The following BBS12 variants were observed in gnomAD, a reference collection of about 807,000 sequenced individuals.
BBS12 encodes the protein chaperonin-containing T-complex member BBS12.
A neutral mutation model predicts 5.6 loss-of-function variants in BBS12; 5 were observed. That is an observed-to-expected ratio of 0.89 (90% CI 0.46 to 1.86). The LOEUF (loss-of-function observed/expected upper bound fraction) is 1.86. Ranked by LOEUF, BBS12 falls within the 40% of genes most tolerant of loss-of-function variation. The probability of loss-of-function intolerance (pLI) is 0.01; values close to 1 mark genes in which losing one functional copy is unlikely to be tolerated. For synonymous variants in BBS12, 308 were observed against 306.8 expected (o/e 1.00, Z -0.04); for missense variants, 748 against 830.4 (o/e 0.90, Z 1.22).
the BBS12 span, among the ~76,000 whole-genome samples, chr4:122,713,458 G>A: frequency 2.0e-5 from 3 of 152,198 alleles, no homozygotes; most frequent in South Asian, 4.1e-4. Flanking sequence ...TGCCTGTGAA[G>A]AGCCATTGCA....
At position 122,742,563 on chromosome 4, in the gene BBS12, C is replaced by T. The variant is rs776606785; in HGVS notation, c.671C>T (p.Thr224Ile). Residue 224 changes from threonine (T) to isoleucine (I), a missense_variant, in exon 2 of 2, where the codon ACC becomes ATC. Coordinates refer to ENST00000314218, the MANE Select transcript of BBS12 (RefSeq NM_152618.3). ...CTGAAAAACAGCCTGCTTGCAGATA[C>T]CTGCTGCAGACAGTCAATACTAATC... ...RTLKNSLLAD[T>I]CCRQSILIHS... 1.2e-6 allele frequency: 2 copies of T among 1,614,214 alleles called. No homozygotes were observed. Among genetic ancestry groups the T allele is most frequent in the South Asian group, 1.1e-5 (1 of 91,080 alleles).
the BBS12 span, among the ~76,000 whole-genome samples, chr4:122,716,811 T>C: frequency 2.4e-3 from 369 of 151,826 alleles, 3 homozygotes; most frequent in African/African-American, 8.4e-3. Context: ...TGGTTTTAGG[T>C]GAAACTCCTG....
Position 122,742,810 on chromosome 4 carries a change from A to G in BBS12, c.918A>G (p.Lys306=). The G allele has an allele frequency of 6.2e-7, 1 of 1,614,176 alleles. No individual in the cohort carries two copies. Among genetic ancestry groups the G allele is most frequent in the Non-Finnish European group, 8.5e-7 (1 of 1,180,026 alleles). The change falls in exon 2 of 2, where the codon AAA becomes AAG. Residue 306 remains lysine, a synonymous_variant. Coordinates refer to ENST00000314218, the MANE Select transcript of BBS12 (RefSeq NM_152618.3). ...NACVQQGNCT[K]PFMFDISRIF... ...GTGTGCAACAAGGCAACTGTACAAA[A>G]CCATTTATGTTTGACATTTCAAGAA...
the BBS12 span, among the ~76,000 whole-genome samples, chr4:122,703,534 C>T: frequency 6.6e-6 from 1 of 152,112 alleles, no homozygotes; most frequent in Admixed American, 6.5e-5. Flanking sequence ...AGAGTGAGAT[C>T]CCATCTCTTA....
the BBS12 span, among the ~76,000 whole-genome samples, chr4:122,707,124 A>C: frequency 7.2e-6 from 1 of 137,946 alleles, no homozygotes; most frequent in Non-Finnish European, 1.5e-5. Flanking sequence ...GCTGTCCTCG[A>C]ACTCATGGGC....
chr4:122,739,812 G>A (rs1047316211), intron 1 of BBS12, among the ~76,000 whole-genome samples: 9 of 152,232 alleles, frequency 5.9e-5, no homozygotes, highest in Non-Finnish European at 1.2e-4. Context: ...TACATGTTTA[G>A]CATATATTAT....
Position 122,744,182 on chromosome 4 carries a change from C to A in BBS12, c.*157C>A. The A allele has an allele frequency of 2.6e-6, 2 of 778,708 alleles. No homozygotes were observed. Among genetic ancestry groups the A allele is most frequent in the Non-Finnish European group, 4.2e-6 (2 of 478,006 alleles). 48.2% of individuals were successfully genotyped at this position (778,708 alleles called of 1,614,324 possible). On this transcript the variant is annotated 3_prime_UTR_variant, in exon 2 of 2. Transcript: ENST00000314218. ...AACTGTGCATGGTCTGAGATTTTAC[C>A]CTACTTATAAGCTAACAAGTTAGCC...
At position 122,743,553 on chromosome 4, in the gene BBS12, C is replaced by T; in HGVS notation, c.1661C>T (p.Ala554Val). Residue 554 changes from alanine (A) to valine (V), a missense_variant, in exon 2 of 2, where the codon GCA (alanine) becomes GTA (valine). By Grantham distance (64) the Ala-to-Val change is moderately conservative (BLOSUM62 0). Coordinates refer to ENST00000314218, the MANE Select transcript of BBS12 (RefSeq NM_152618.3). ...TGTCTTAGCTGTCTTCATATTCTTG[C>T]AGAGCAATCTCTGAAAAAAGAAAAC... ...FLCLSCLHIL[A>V]EQSLKKENHA... 1 of 1,614,156 alleles carries T rather than the reference C, an allele frequency of 6.2e-7. No homozygotes were observed. The highest frequency in any genetic ancestry group is 8.5e-7 in the Non-Finnish European group (1 of 1,180,032).
upstream of BBS12, chr4:122,730,568 A>G (rs1800684154): frequency 6.6e-6 from 1 of 152,308 alleles, no homozygotes; most frequent in African/African-American, 2.4e-5. Flanking sequence ...AGTCTTTTTC[A>G]TCACTCTCAA....
At chr4:122,701,087 A>C in the BBS12 span, among the ~76,000 whole-genome samples, 1 of 152,202 alleles carries the variant, frequency 6.6e-6, no homozygotes, top group Non-Finnish European at 1.5e-5. Context: ...AAACTTTTTT[A>C]TTTAAATTTG....
the BBS12 span, among the ~76,000 whole-genome samples, chr4:122,707,052 CTCTTTTTT>C: frequency 1.0e-5 from 1 of 98,496 alleles, no homozygotes; most frequent in Non-Finnish European, 1.8e-5. Context: ...CTCTCTCTCT[CTCTTTTTT>C]TTTTTTTTTT....
the BBS12 span, among the ~76,000 whole-genome samples, chr4:122,702,031 A>C: frequency 6.6e-6 from 1 of 152,222 alleles, no homozygotes. Flanking sequence ...GGAGAAAAAA[A>C]AGCAACCAGA....
the BBS12 span, among the ~76,000 whole-genome samples, chr4:122,704,592 G>T: frequency 6.6e-6 from 1 of 152,150 alleles, no homozygotes; most frequent in East Asian, 1.9e-4. Context: ...TAGAAGTTAA[G>T]TTCTAAGCTA....
the BBS12 span, among the ~76,000 whole-genome samples, chr4:122,715,727 A>T: frequency 6.6e-6 from 1 of 152,162 alleles, no homozygotes; most frequent in South Asian, 2.1e-4. Context: ...AGTAAAAGAA[A>T]CCTACACATT....
At chr4:122,725,812 C>T in the BBS12 span, among the ~76,000 whole-genome samples, 3 of 148,366 alleles carry the variant, frequency 2.0e-5, no homozygotes, top group African/African-American at 7.5e-5. Context: ...GCAGGAGAAT[C>T]GCTTAAACCC....
the BBS12 span, among the ~76,000 whole-genome samples, chr4:122,702,061 G>C: frequency 1.1e-3 from 175 of 152,288 alleles, no homozygotes; most frequent in Non-Finnish European, 1.7e-3. Context: ...AAAGATCCAG[G>C]TGCCTACAAG....
upstream of BBS12, among the ~76,000 whole-genome samples, chr4:122,728,078 C>T (rs1800647509): frequency 1.3e-5 from 2 of 151,818 alleles, no homozygotes; most frequent in Admixed American, 1.3e-4. Flanking sequence ...TGTAATTTGG[C>T]AAAAATCTTT....
Position 122,744,405 on chromosome 4 carries a change from G to A in BBS12, c.*380G>A, listed in dbSNP as rs1800955544. 5.0e-6 allele frequency: 1 copy of A among 200,746 alleles called. No individual in the cohort carries two copies. Among genetic ancestry groups the A allele is most frequent in the Admixed American group, 5.7e-5 (1 of 17,586 alleles). The allele number at this position is 200,746 out of a possible 1,614,324, so 12.4% of individuals were successfully genotyped here. A position where few individuals can be genotyped will look rare whatever the true frequency, so the allele number is the denominator to read the frequency against. On this transcript the variant is annotated 3_prime_UTR_variant, in exon 2 of 2. Transcript: ENST00000314218. Reference sequence around the variant, plus strand: ...ACAGTGGGTTATGTTGTAAGCTTGGGTTATTAACTGCTTTTATAGTAAGCA... The same window carrying A: ...ACAGTGGGTTATGTTGTAAGCTTGGATTATTAACTGCTTTTATAGTAAGCA...
the BBS12 span, among the ~76,000 whole-genome samples, chr4:122,712,913 A>G: frequency 6.6e-6 from 1 of 152,220 alleles, no homozygotes; most frequent in Non-Finnish European, 1.5e-5. Context: ...GTACATCTGA[A>G]TTTGTGAAAG....
Sources: allele counts gnomAD v4.1 joint callset (sites outside exome capture counted in the v4.1 genomes callset), GRCh38; gene constraint gnomAD v4.1.1; transcripts MANE v1.5; gene names NCBI Gene and HGNC (gene_info 2026-07-23, HGNC 2026-07-21).